The following POLR1C variants were observed in gnomAD, a reference collection of about 807,000 sequenced individuals.
The protein encoded by POLR1C is DNA-directed RNA polymerases I and III subunit RPAC1.
POLR1C carries 42 observed loss-of-function variants against 38.3 expected under a neutral mutation model. That is an observed-to-expected ratio of 1.10 (90% CI 0.86 to 1.42). POLR1C has a LOEUF of 1.42. POLR1C is among the 40% of genes most tolerant of loss of function. POLR1C has a pLI of 0.00. For missense variants in POLR1C, 507 were observed against 450.5 expected, an observed-to-expected ratio of 1.13 and a Z score of -1.14; for synonymous variants, 163 against 163.9, an observed-to-expected ratio of 0.99 and a Z score of 0.04.
chr6:43,523,809 C>T, downstream of POLR1C: 1 of 1,613,522 alleles, frequency 6.2e-7, no homozygotes, highest in South Asian at 1.1e-5. Flanking sequence ...TAGAGATCGG[C>T]TACAAAGGGA....
intron 10 of POLR1C, among the ~76,000 whole-genome samples, chr6:43,558,303 T>G (rs1028102972): frequency 2.6e-5 from 4 of 152,044 alleles, no homozygotes; most frequent in African/African-American, 9.7e-5. Flanking sequence ...CTGTGGGGGT[T>G]TGTGGTGTAA....
At chr6:43,522,631 C>A (rs183056514), downstream of POLR1C, 1,079 of 411,610 alleles carry the variant, frequency 2.6e-3, 3 homozygotes, top group Admixed American at 3.4e-3. Context: ...CCCAGCTTTG[C>A]TTCTTCTCAA....
intron 6 of POLR1C, 93 bp downstream of exon 6, chr6:43,520,520 G>T (rs1582182795): frequency 6.2e-7 from 1 of 1,602,382 alleles, no homozygotes; most frequent in East Asian, 2.2e-5. Flanking sequence ...TTCCCGGCAG[G>T]TAGAAAGCCA....
chr6:43,526,455 G>T (rs1395464006), downstream of POLR1C: 1 of 560,496 alleles, frequency 1.8e-6, no homozygotes, highest in East Asian at 3.0e-5. Context: ...CAAGAGAAAA[G>T]ATCACATATA....
At chr6:43,548,532 GAAGA>G in intron 9 of POLR1C, 1 of 1,329,592 alleles carries the variant, frequency 7.5e-7, no homozygotes, top group Non-Finnish European at 9.9e-7. Flanking sequence ...CTTACTCAAG[GAAGA>G]AAGAAGAAAA....
intron 8 of POLR1C, 21 bp from the exon 9 acceptor site, chr6:43,521,161 A>C: frequency 6.2e-7 from 1 of 1,613,524 alleles, no homozygotes; most frequent in Non-Finnish European, 8.5e-7. Flanking sequence ...GCCTAGACTA[A>C]AGTGTCTCTT....
downstream of POLR1C, chr6:43,524,731 A>T (rs1025043144): frequency 6.3e-7 from 1 of 1,585,250 alleles, no homozygotes; most frequent in Admixed American, 1.7e-5. Flanking sequence ...TTGCACCAGC[A>T]ATTTGGCAGG....
At chr6:43,548,156 C>A in intron 9 of POLR1C, 1 of 1,093,298 alleles carries the variant, frequency 9.1e-7, no homozygotes, top group South Asian at 1.9e-5. Context: ...TGGATAATGC[C>A]ATCACACTTC....
chr6:43,544,714 A>T (rs1002770149), intron 9 of POLR1C, among the ~76,000 whole-genome samples: 1 of 152,126 alleles, frequency 6.6e-6, no homozygotes, highest in Non-Finnish European at 1.5e-5. Flanking sequence ...GCTGTCCGAG[A>T]CCAGCCTGGG....
chr6:43,539,602 C>T lies in POLR1C; in HGVS notation c.*4+10243C>T, dbSNP rs939279222. 3.5e-5 allele frequency: 48 copies of T among 1,384,754 alleles called. 1 individual carries two copies. In the Admixed American group the frequency reaches 7.7e-4, roughly 22 times the overall value. 85.8% of individuals were successfully genotyped at this position (1,384,754 alleles called of 1,614,324 possible). ...CCGGTCCACGGCTGCGACCCCGGCC[C>T]CGGATGCCACTGGCGAAACCTCTGC... On this transcript the variant is annotated intron_variant, in intron 9 of 10. Coordinates refer to the POLR1C transcript ENST00000607635.
downstream of POLR1C, chr6:43,523,620 A>C (rs781563050): frequency 5.2e-5 from 38 of 734,634 alleles, no homozygotes; most frequent in Non-Finnish European, 8.2e-5. Context: ...CAAATCTCCA[A>C]GTAGAATGGG....
intron 9 of POLR1C, among the ~76,000 whole-genome samples, chr6:43,545,836 A>G (rs1296080422): frequency 5.9e-5 from 9 of 152,212 alleles, no homozygotes; most frequent in South Asian, 2.1e-4. Context: ...TCAAATATCT[A>G]TATCTAGTAA....
At chr6:43,525,549 T>C (rs1231281048), downstream of POLR1C, 12 of 514,036 alleles carry the variant, frequency 2.3e-5, no homozygotes, top group Admixed American at 3.6e-5. Flanking sequence ...AAAACCTGTA[T>C]GTGTAGGATG....
chr6:43,530,108 T>C (rs1004761665), downstream of POLR1C, among the ~76,000 whole-genome samples: 3 of 151,736 alleles, frequency 2.0e-5, no homozygotes, highest in African/African-American at 7.3e-5. Context: ...TACAAAAAAA[T>C]TAGCTGGGCG....
rs1793036295 is a variant in POLR1C, at chr6:43,519,690, A to G, written c.250-16A>G. 6.2e-7 allele frequency: 1 copy of G among 1,614,036 alleles called. No individual in the cohort carries two copies. The highest frequency in any genetic ancestry group is 8.5e-7 in the Non-Finnish European group (1 of 1,179,998). On this transcript the variant is annotated splice_polypyrimidine_tract_variant and intron_variant, in intron 3 of 8. Coordinates refer to ENST00000642195, the MANE Select transcript of POLR1C (RefSeq NM_203290.4). ...GTTGGGTTTTTGCAGATAAGTGGTT[A>G]TTTTTCCTTGGGCAGGTGCCAACTA...
intron 9 of POLR1C, among the ~76,000 whole-genome samples, chr6:43,543,460 A>C (rs543373042): frequency 3.5e-4 from 54 of 152,240 alleles, no homozygotes; most frequent in Non-Finnish European, 5.3e-4. Context: ...CTCAAAAGTA[A>C]GTAAGTAAGT....
chr6:43,555,404 G>T (rs185006049), intron 10 of POLR1C: 1 of 154,938 alleles, frequency 6.5e-6, no homozygotes, highest in Admixed American at 6.3e-5. Flanking sequence ...GTGGCTGAGT[G>T]ATATGAGAAG....
rs773308712 is a variant in POLR1C at position 43,553,460 on chromosome 6, G to A, written c.*48+2449G>A. ...CCCACTGCACGAATGAAGGTGAGAAGACGGAACAGAGGCTTCCTTCTCCAG... is the reference window on the plus strand; with the variant it reads ...CCCACTGCACGAATGAAGGTGAGAAAACGGAACAGAGGCTTCCTTCTCCAG... On this transcript the variant is annotated intron_variant, in intron 10 of 10. Coordinates refer to the POLR1C transcript ENST00000607635. 1.9e-6 allele frequency: 3 copies of A among 1,578,624 alleles called. No homozygotes were observed. In the South Asian group the frequency reaches 3.5e-5, roughly 18 times the overall value.
chr6:43,542,535 G>C (rs918723884), intron 9 of POLR1C, among the ~76,000 whole-genome samples: 1 of 152,032 alleles, frequency 6.6e-6, no homozygotes, highest in African/African-American at 2.4e-5. Flanking sequence ...TCAGCCTCCT[G>C]AGTAGCTGGG....
Sources: allele counts gnomAD v4.1 joint callset (sites outside exome capture counted in the v4.1 genomes callset), GRCh38; gene constraint gnomAD v4.1.1; transcripts MANE v1.5; gene names NCBI Gene and HGNC (gene_info 2026-07-23, HGNC 2026-07-21).